MIA2: variants seen among roughly 807,000 people sequenced by gnomAD.
MIA2 encodes the protein MIA SH3 domain ER export factor 2.
MIA2 carries 127 observed loss-of-function variants against 167.8 expected under a neutral mutation model. That is an observed-to-expected ratio of 0.76 (90% CI 0.66 to 0.88). The LOEUF (loss-of-function observed/expected upper bound fraction) is 0.88, where lower values mean the gene tolerates loss of function less well. Ranked by LOEUF, MIA2 falls within the 40% of genes least tolerant of loss-of-function variation. The probability of loss-of-function intolerance (pLI) is 0.00; values close to 1 mark genes in which losing one functional copy is unlikely to be tolerated. For synonymous variants in MIA2, 552 were observed against 541.9 expected (o/e 1.02, Z -0.26); for missense variants, 1,690 against 1,624.7 (o/e 1.04, Z -0.69).
At chr14:39,244,653 A>G (rs1159974754) in intron 3 of MIA2, among the ~76,000 whole-genome samples, 1 of 152,172 alleles carries the variant, frequency 6.6e-6, no homozygotes, top group Non-Finnish European at 1.5e-5. Flanking sequence ...TAACATTCAG[A>G]TTAAAAAAAA....
At chr14:39,329,659 T>C (rs2068359138) in intron 25 of MIA2, among the ~76,000 whole-genome samples, 2 of 152,008 alleles carry the variant, frequency 1.3e-5, no homozygotes, top group Admixed American at 1.3e-4. Context: ...TTGAGTTTTT[T>C]TTTTTTTTTT....
chr14:39,357,067 T>C (rs1305385588), intron 23 of MIA2, among the ~76,000 whole-genome samples: 2 of 152,232 alleles, frequency 1.3e-5, no homozygotes, highest in African/African-American at 4.8e-5. Context: ...ATCTATTAGG[T>C]CCACTTGGTG....
chr14:39,255,835 G>C (rs1350722832), intron 6 of MIA2, among the ~76,000 whole-genome samples: 2 of 152,096 alleles, frequency 1.3e-5, no homozygotes, highest in African/African-American at 4.8e-5. Flanking sequence ...ATTTTACTTG[G>C]ACAATTTTGG....
intron 11 of MIA2, among the ~76,000 whole-genome samples, chr14:39,293,582 G>A (rs747258000): frequency 6.6e-6 from 1 of 152,006 alleles, no homozygotes; most frequent in Non-Finnish European, 1.5e-5. Flanking sequence ...TATTTTTATA[G>A]AAATTTTCTA....
At chr14:39,257,044 C>T (rs2054846461) in intron 6 of MIA2, among the ~76,000 whole-genome samples, 1 of 152,024 alleles carries the variant, frequency 6.6e-6, no homozygotes. Context: ...TTATGTGGTA[C>T]TGAGAAAAAT....
chr14:39,353,792 C>A (rs189205347), downstream of MIA2, among the ~76,000 whole-genome samples: 2 of 152,264 alleles, frequency 1.3e-5, no homozygotes, highest in South Asian at 4.1e-4. Flanking sequence ...TCAATTCCCA[C>A]CTATGAGTGA....
At chr14:39,286,037 C>T (rs1005296278) in intron 9 of MIA2, among the ~76,000 whole-genome samples, 13 of 152,148 alleles carry the variant, frequency 8.5e-5, no homozygotes, top group Admixed American at 2.6e-4. Context: ...ACTTCCCAGA[C>T]GGGGTGGCGG....
At chr14:39,357,196 T>G (rs1199532398) in intron 23 of MIA2, among the ~76,000 whole-genome samples, 2 of 152,334 alleles carry the variant, frequency 1.3e-5, no homozygotes, top group African/African-American at 4.8e-5. Context: ...TTAGTCCCTT[T>G]GTAGGTCTCT....
chr14:39,279,632 CTTTG>C, intron 9 of MIA2, 95 bp downstream of exon 9: 1 of 785,098 alleles, frequency 1.3e-6, no homozygotes. Context: ...ATTATGAATG[CTTTG>C]TTTGCAGAGT....
intron 9 of MIA2, among the ~76,000 whole-genome samples, chr14:39,283,198 A>G (rs1001499062): frequency 6.6e-6 from 1 of 152,214 alleles, no homozygotes; most frequent in Non-Finnish European, 1.5e-5. Flanking sequence ...TGCAGTGAAC[A>G]TGGGCATGCA....
At position 39,303,627 on chromosome 14, in the gene MIA2, A is replaced by G. The variant is rs1005461420; in HGVS notation, c.2787+103A>G. 51 of 712,810 alleles carry G rather than the reference A, an allele frequency of 7.2e-5. No individual in the cohort carries two copies. The highest frequency in any genetic ancestry group is 1.0e-4 in the Non-Finnish European group (45 of 433,290). 44.2% of individuals were successfully genotyped at this position (712,810 alleles called of 1,614,324 possible). A position where few individuals can be genotyped will look rare whatever the true frequency, so the allele number is the denominator to read the frequency against. Reference sequence around the variant, plus strand: ...AAAAAGTCCATTTTATTGTTCCCATATAAATATATTTACAAATTATCAGAA... The same window carrying G: ...AAAAAGTCCATTTTATTGTTCCCATGTAAATATATTTACAAATTATCAGAA... On this transcript the variant is annotated intron_variant, in intron 16 of 28. Transcript: ENST00000640607.
chr14:39,262,531 G>GT (rs1177458527), intron 6 of MIA2, among the ~76,000 whole-genome samples: 1 of 152,170 alleles, frequency 6.6e-6, no homozygotes, highest in Non-Finnish European at 1.5e-5. Flanking sequence ...CTTTAAAGTA[G>GT]TTTTTTCCAA....
chr14:39,359,626 C>G (rs910122616), intron 23 of MIA2, among the ~76,000 whole-genome samples: 7 of 152,184 alleles, frequency 4.6e-5, no homozygotes, highest in Non-Finnish European at 8.8e-5. Context: ...GCAGAAATCA[C>G]CTGTCTTCTG....
At chr14:39,301,532 A>G (rs1349510829) in intron 14 of MIA2, among the ~76,000 whole-genome samples, 6 of 152,166 alleles carry the variant, frequency 3.9e-5, no homozygotes, top group Non-Finnish European at 8.8e-5. Flanking sequence ...AAGGGTGAAA[A>G]TTGTAGATCA....
rs1595939122 is a variant in MIA2, at chr14:39,359,725, T to G, written c.2248+10748T>G. 2.0e-5 allele frequency among the ~76,000 whole-genome samples: 3 copies of G among 152,322 alleles called. No individual in the cohort carries two copies. The South Asian group carries it at 6.2e-4, about 32-fold the overall frequency. The stretch of plus-strand genomic sequence containing the variant: ...CTATACCACATTTTCTTAATTCTTG[T>G]GTCCATTGATAGATGCTTAGGTTGA... On this transcript the variant is annotated intron_variant, in intron 23 of 23. Transcript: ENST00000341502.
At chr14:39,316,698 A>G (rs1443811528) in intron 21 of MIA2, among the ~76,000 whole-genome samples, 1 of 152,188 alleles carries the variant, frequency 6.6e-6, no homozygotes, top group Non-Finnish European at 1.5e-5. Context: ...TTGAGGGTTC[A>G]AATGAAAATT....
chr14:39,316,548 T>C (rs2065480109), intron 21 of MIA2, among the ~76,000 whole-genome samples: 1 of 152,220 alleles, frequency 6.6e-6, no homozygotes, highest in South Asian at 2.1e-4. Flanking sequence ...TCAGTGAATG[T>C]TAACTGTTGT....
At chr14:39,238,804 A>AAAAAAAAAAAAAAAAC (rs1566583419) in intron 2 of MIA2, among the ~76,000 whole-genome samples, 1 of 91,540 alleles carries the variant, frequency 1.1e-5, no homozygotes, top group African/African-American at 4.3e-5. Flanking sequence ...AAAAAAAAAA[A>AAAAAAAAAAAAAAAAC]AAAAAAACCC....
intron 9 of MIA2, among the ~76,000 whole-genome samples, chr14:39,284,268 C>A (rs780285538): frequency 6.6e-6 from 1 of 152,080 alleles, no homozygotes; most frequent in Admixed American, 6.6e-5. Context: ...CATTCTTTTG[C>A]GTGTGAAATC....
Sources: gnomAD v4.1 joint callset for allele counts (sites outside exome capture counted in the v4.1 genomes callset) on GRCh38, gnomAD v4.1.1 for gene constraint, MANE v1.5 for transcripts, NCBI Gene and HGNC (gene_info 2026-07-23, HGNC 2026-07-21) for gene names.